Variants in GALNT9 observed in about 807,000 individuals in gnomAD.
GALNT9 encodes polypeptide N-acetylgalactosaminyltransferase 9, also known as GalNAc transferase 9.
GALNT9 carries 47 observed loss-of-function variants against 63.1 expected under a neutral mutation model. That is an observed-to-expected ratio of 0.75 (90% CI 0.59 to 0.95). GALNT9 has a LOEUF of 0.95. Among genes scored for constraint, GALNT9 ranks in the 40% least tolerant of loss-of-function variants. The probability of loss-of-function intolerance (pLI) is 0.00; values close to 1 mark genes in which losing one functional copy is unlikely to be tolerated. For synonymous variants in GALNT9, 396 were observed against 365.7 expected (o/e 1.08, Z -0.94); for missense variants, 829 against 874.8 (o/e 0.95, Z 0.66).
At chr12:132,198,037 T>C in intron 9 of GALNT9, 78 bp from the exon 10 acceptor site, 3 of 1,201,560 alleles carry the variant, frequency 2.5e-6, no homozygotes, top group South Asian at 2.8e-5. Flanking sequence ...CCGTGCGAGC[T>C]GCCTTGAGCT....
rs189695577 is a variant in GALNT9, at chr12:132,319,716, G to C, written c.238+9250C>G. Reference sequence around the variant, plus strand: ...TCCGCCACACACACAGCTGTACCCGGCACAACACGCGGCCACAGGTCACCT... The same window carrying C: ...TCCGCCACACACACAGCTGTACCCGCCACAACACGCGGCCACAGGTCACCT... On this transcript the variant is annotated intron_variant, in intron 1 of 10. Coordinates refer to ENST00000328957, the MANE Select transcript of GALNT9 (RefSeq NM_001122636.2). The surrounding 1 kb of genome is among the most constrained non-coding windows in gnomAD (Gnocchi z 5.2). Among the ~76,000 whole-genome samples the C allele has an allele frequency of 2.0e-4, 31 of 152,308 alleles. No individual in the cohort carries two copies. The highest frequency in any genetic ancestry group is 7.0e-4 in the African/African-American group (29 of 41,562).
Position 132,248,038 on chromosome 12 carries a change from G to A in GALNT9, c.960-11C>T, listed in dbSNP as rs1555238249. The A allele has an allele frequency of 1.3e-6, 2 of 1,546,576 alleles. No individual in the cohort carries two copies. The highest frequency in any genetic ancestry group is 1.2e-5 in the South Asian group (1 of 83,398). On this transcript the variant is annotated splice_polypyrimidine_tract_variant and intron_variant, in intron 5 of 10. Coordinates refer to ENST00000328957, the MANE Select transcript of GALNT9 (RefSeq NM_001122636.2). ...ATCATGGCTGGGGTCCTGGGAGGCA[G>A]AGACAGCGGCGTGAGGACCTCGCCA...
chr12:132,202,787 C>T (rs1876265974), intron 7 of GALNT9, among the ~76,000 whole-genome samples: 1 of 152,078 alleles, frequency 6.6e-6, no homozygotes, highest in East Asian at 1.9e-4. Flanking sequence ...GGGTCGCGGC[C>T]ACCCGTCTCA....
chr12:132,273,713 G>A (rs1228241570), intron 2 of GALNT9: 2 of 152,326 alleles, frequency 1.3e-5, no homozygotes, highest in Non-Finnish European at 2.9e-5. Context: ...CTAAGTTTAT[G>A]GTATTTGGAA....
In GALNT9 at chr12:132,240,600, G is replaced by C. The variant is rs115283014; in HGVS notation, c.1077+7310C>G. On this transcript the variant is annotated intron_variant, in intron 6 of 10. Coordinates refer to ENST00000328957, the MANE Select transcript of GALNT9 (RefSeq NM_001122636.2). ...GCCCCGGGGCTCGGCTGTGGGCTCC[G>C]TGCGTGGCCCCGGGGCTCGGCTGTG... The C allele has an allele frequency of 7.4e-3, 3,387 of 455,542 alleles. 91 individuals are homozygous for C. The highest frequency in any genetic ancestry group is 0.057 in the African/African-American group (2,861 of 49,924). 28.2% of individuals were successfully genotyped at this position (455,542 alleles called of 1,614,324 possible).
In GALNT9 at chr12:132,296,018, GGAACAGGGAGAGCCTCCA is replaced by G. The variant is rs372641399; in HGVS notation, c.239-9606_239-9589del. Among the ~76,000 whole-genome samples the G allele has an allele frequency of 5.2e-5, 7 of 133,772 alleles. No homozygotes were observed. Among genetic ancestry groups the G allele is most frequent in the East Asian group, 5.0e-4 (2 of 3,966 alleles). 87.8% of individuals were successfully genotyped at this position (133,772 alleles called of 152,430 possible). A position where few individuals can be genotyped will look rare whatever the true frequency, so the allele number is the denominator to read the frequency against. On this transcript the variant is annotated intron_variant, in intron 1 of 10. Coordinates refer to ENST00000328957, the MANE Select transcript of GALNT9 (RefSeq NM_001122636.2). This position sits in a 1 kb window ranked among gnomAD's most constrained non-coding sequence, Gnocchi z 4.2. ...GGCCTCCGGAACAGGGAGAGCCTCCGGAACAGGGAGAGCCTCCAGAACAGGGAGAGCCTCTGAACAGGG... is the reference window on the plus strand; with the variant it reads ...GGCCTCCGGAACAGGGAGAGCCTCCGGAACAGGGAGAGCCTCTGAACAGGG...
At chr12:132,198,427 C>CGGGGCT (rs57784041) in intron 9 of GALNT9, among the ~76,000 whole-genome samples, 1,808 of 151,238 alleles carry the variant, frequency 0.012, 39 homozygotes, top group African/African-American at 0.039. Flanking sequence ...TGTGATTCTG[C>CGGGGCT]GGGGCTGGGG....
chr12:132,305,337 A>G (rs1251601179), intron 1 of GALNT9, among the ~76,000 whole-genome samples: 3 of 20,172 alleles, frequency 1.5e-4, no homozygotes, highest in Non-Finnish European at 2.5e-4. Flanking sequence ...CCTCACCCAG[A>G]CACGCCCTCA....
chr12:132,206,860 AAAC>A (rs1255323633), intron 6 of GALNT9, among the ~76,000 whole-genome samples: 5 of 152,120 alleles, frequency 3.3e-5, no homozygotes, highest in Admixed American at 1.3e-4. Flanking sequence ...TCCATTAAAA[AAAC>A]CAGCGAGCCT....
At chr12:132,276,020 C>A (rs541193157) in intron 2 of GALNT9, among the ~76,000 whole-genome samples, 1 of 152,380 alleles carries the variant, frequency 6.6e-6, no homozygotes, top group Non-Finnish European at 1.5e-5. Context: ...CTCTGCCCCG[C>A]AGGTCCCAGT....
rs28754608 is a variant in GALNT9, at chr12:132,247,686, G to T, written c.1077+224C>A. 5.1e-4 allele frequency: 267 copies of T among 521,254 alleles called. No homozygotes were observed. The highest frequency in any genetic ancestry group is 4.8e-3 in the Middle Eastern group (12 of 2,502). The allele number at this position is 521,254 out of a possible 1,614,324, so 32.3% of individuals were successfully genotyped here. ...CACCCCGTCCCCGGATGCCGTGGCC[G>T]CACTCGCCCTCACCCCGTCCCCAGA... On this transcript the variant is annotated intron_variant, in intron 6 of 10. Coordinates refer to ENST00000328957, the MANE Select transcript of GALNT9 (RefSeq NM_001122636.2).
intron 1 of GALNT9, among the ~76,000 whole-genome samples, chr12:132,304,791 A>G (rs868969405): frequency 2.1e-3 from 24 of 11,556 alleles, no homozygotes; most frequent in Admixed American, 7.0e-3. Context: ...ACCCTCGCCC[A>G]GACACACCCT....
chr12:132,215,352 G>A (rs1877141035), intron 6 of GALNT9, among the ~76,000 whole-genome samples: 1 of 152,246 alleles, frequency 6.6e-6, no homozygotes, highest in African/African-American at 2.4e-5. Flanking sequence ...GTTTCTAAAT[G>A]GAGGCCAGGA....
intron 1 of GALNT9, among the ~76,000 whole-genome samples, chr12:132,323,993 T>A (rs1868919184): frequency 6.6e-6 from 1 of 152,142 alleles, no homozygotes; most frequent in Admixed American, 6.5e-5. Flanking sequence ...ACGGAGGGAA[T>A]TCAGGGGAGG....
chr12:132,209,247 C>T (rs1244909757), intron 6 of GALNT9, among the ~76,000 whole-genome samples: 1 of 152,086 alleles, frequency 6.6e-6, no homozygotes, highest in African/African-American at 2.4e-5. Context: ...TTGCAGTAGG[C>T]CGGGTGCGGT....
intron 3 of GALNT9, among the ~76,000 whole-genome samples, chr12:132,261,888 CA>C (rs1266288095): frequency 6.7e-6 from 1 of 149,926 alleles, no homozygotes; most frequent in Non-Finnish European, 1.5e-5. Flanking sequence ...GCACTGCCCT[CA>C]GGGGACCTGA....
At chr12:132,259,562 C>T (rs1555239512) in intron 4 of GALNT9, among the ~76,000 whole-genome samples, 1 of 152,184 alleles carries the variant, frequency 6.6e-6, no homozygotes, top group Non-Finnish European at 1.5e-5. Context: ...CTGAGATGCC[C>T]CAGGAAAGCC....
intron 5 of GALNT9, among the ~76,000 whole-genome samples, chr12:132,254,504 T>G (rs1879041838): frequency 6.6e-6 from 1 of 152,182 alleles, no homozygotes; most frequent in South Asian, 2.1e-4. Context: ...TGTCTCTGAC[T>G]CTGATCCTCT....
chr12:132,321,059 G>T (rs544121866), intron 1 of GALNT9, among the ~76,000 whole-genome samples: 72 of 152,330 alleles, frequency 4.7e-4, no homozygotes, highest in African/African-American at 1.6e-3. Context: ...GCGGGGAGGA[G>T]GGTGCCTGGC....
Sources: gnomAD v4.1 joint callset for allele counts (sites outside exome capture counted in the v4.1 genomes callset) on GRCh38, gnomAD v4.1.1 for gene constraint, Gnocchi (gnomAD v3.1) non-coding constraint, MANE v1.5 for transcripts, NCBI Gene and HGNC (gene_info 2026-07-23, HGNC 2026-07-21) for gene names.